Variants in GOLIM4 observed in about 807,000 individuals in gnomAD.
The protein encoded by GOLIM4 is golgi integral membrane protein 4.
In GOLIM4, 71 loss-of-function variants were observed where a neutral mutation model predicts 107.4. That is an observed-to-expected ratio of 0.66 (90% CI 0.55 to 0.81). GOLIM4 has a LOEUF of 0.81. GOLIM4 is among the 30% of genes least tolerant of loss of function. The pLI, the probability that GOLIM4 is intolerant of heterozygous loss-of-function variation, is 0.00. For missense variants in GOLIM4, 830 were observed against 826.1 expected (o/e 1.00, Z -0.06); for synonymous variants, 327 against 294.8 (o/e 1.11, Z -1.12).
At chr3:168,061,105 T>C (rs1720247726) in intron 1 of GOLIM4, among the ~76,000 whole-genome samples, 1 of 142,060 alleles carries the variant, frequency 7.0e-6, no homozygotes, top group South Asian at 2.2e-4. Context: ...TATTAAAGAG[T>C]TGATTTTTTT....
At position 168,011,799 on chromosome 3, in the gene GOLIM4, G is replaced by A. The variant is rs556036030; in HGVS notation, c.1861-976C>T. Among the ~76,000 whole-genome samples, 32 of 132,642 alleles carry A rather than the reference G, an allele frequency of 2.4e-4. 8 individuals carry two copies. The highest frequency in any genetic ancestry group is 8.0e-4 in the African/African-American group (20 of 25,014). The allele number at this position is 132,642 out of a possible 152,430, so 87.0% of individuals were successfully genotyped here. A position where few individuals can be genotyped will look rare whatever the true frequency, so the allele number is the denominator to read the frequency against. ...GCAGGAGCACACTGACACCTCACAA[G>A]GCAGGGTATTCCAACAGACCTGCAG... On this transcript the variant is annotated intron_variant, in intron 14 of 15. Transcript: ENST00000470487.
At chr3:168,017,009 A>C (rs1455471519) in intron 14 of GOLIM4, among the ~76,000 whole-genome samples, 1 of 151,336 alleles carries the variant, frequency 6.6e-6, no homozygotes, top group South Asian at 2.1e-4. Flanking sequence ...AACCTGCACA[A>C]TGTGCACATG....
At chr3:168,033,402 G>A (rs1355389802) in intron 8 of GOLIM4, among the ~76,000 whole-genome samples, 2 of 151,416 alleles carry the variant, frequency 1.3e-5, no homozygotes, top group Non-Finnish European at 2.9e-5. Flanking sequence ...TCAGGAGATC[G>A]AGACCATCCT....
intron 1 of GOLIM4, among the ~76,000 whole-genome samples, chr3:168,072,616 A>G (rs1201831301): frequency 6.6e-6 from 1 of 152,158 alleles, no homozygotes; most frequent in African/African-American, 2.4e-5. Flanking sequence ...ACTAAAAATA[A>G]AACCTCCCTA....
At chr3:168,030,510 CAAAAAA>C (rs11411251) in intron 9 of GOLIM4, among the ~76,000 whole-genome samples, 4 of 102,448 alleles carry the variant, frequency 3.9e-5, no homozygotes, top group Non-Finnish European at 3.9e-5. Context: ...TAAGCATAGC[CAAAAAA>C]AAAAAAAAAA....
rs536121229 is a variant in GOLIM4 at position 168,070,874 on chromosome 3, T to C, written c.188-22509A>G. ...TCAGAGGTGAGTTCCTCAACTTCTA[T>C]ACCTTTAATAATAAGTTCGCTCTTC... On this transcript the variant is annotated intron_variant, in intron 1 of 15. Transcript: ENST00000470487. 2.0e-5 allele frequency among the ~76,000 whole-genome samples: 3 copies of C among 152,372 alleles called. No individual in the cohort carries two copies. In the East Asian group the frequency reaches 5.8e-4, roughly 29 times the overall value.
intron 12 of GOLIM4, among the ~76,000 whole-genome samples, chr3:168,026,902 A>T (rs769082705): frequency 2.6e-5 from 4 of 152,246 alleles, no homozygotes; most frequent in Non-Finnish European, 5.9e-5. Flanking sequence ...TAGCAAGGAC[A>T]TGGGTCCTCC....
chr3:168,027,191 C>T (rs900064175), intron 12 of GOLIM4, among the ~76,000 whole-genome samples: 1 of 152,130 alleles, frequency 6.6e-6, no homozygotes, highest in African/African-American at 2.4e-5. Context: ...ATTTTCTGTA[C>T]CATTGCATAC....
At chr3:168,089,210 C>T (rs1721775523) in intron 1 of GOLIM4, among the ~76,000 whole-genome samples, 1 of 152,140 alleles carries the variant, frequency 6.6e-6, no homozygotes, top group South Asian at 2.1e-4. Context: ...CTAAATGGTA[C>T]AGGATCAAGC....
chr3:168,033,074 G>C (rs1267021407), intron 8 of GOLIM4, among the ~76,000 whole-genome samples: 4 of 152,102 alleles, frequency 2.6e-5, no homozygotes, highest in Non-Finnish European at 5.9e-5. Context: ...CATCTGTGAA[G>C]AATACAGTAA....
intron 1 of GOLIM4, among the ~76,000 whole-genome samples, chr3:168,084,991 A>T (rs1161554164): frequency 2.6e-5 from 4 of 152,138 alleles, no homozygotes. Flanking sequence ...GAACTGACTT[A>T]TCCAGTTAAG....
chr3:168,053,502 AC>A (rs1455305084), intron 1 of GOLIM4, among the ~76,000 whole-genome samples: 1 of 152,258 alleles, frequency 6.6e-6, no homozygotes, highest in Non-Finnish European at 1.5e-5. Flanking sequence ...TATATATAAA[AC>A]AAAAATTAAA....
chr3:168,030,096 C>A, intron 9 of GOLIM4, 60 bp from the exon 10 acceptor site: 2 of 1,538,904 alleles, frequency 1.3e-6, no homozygotes, highest in South Asian at 1.2e-5. Context: ...GTTTTCTCTT[C>A]ATTTGTTTCT....
intron 1 of GOLIM4, among the ~76,000 whole-genome samples, chr3:168,060,388 T>C (rs898263675): frequency 6.6e-6 from 1 of 152,178 alleles, no homozygotes; most frequent in African/African-American, 2.4e-5. Flanking sequence ...GTGGAGGCCA[T>C]ATAATATTCA....
At chr3:168,012,348 A>G (rs1285215510) in intron 14 of GOLIM4, among the ~76,000 whole-genome samples, 1 of 141,760 alleles carries the variant, frequency 7.1e-6, no homozygotes, top group Non-Finnish European at 1.5e-5. Flanking sequence ...AAAAAAGAAT[A>G]AAAAGAAATG....
At position 168,031,604 on chromosome 3, in the gene GOLIM4, G is replaced by C. The variant is rs116520602; in HGVS notation, c.1176+916C>G. On this transcript the variant is annotated intron_variant, in intron 9 of 15. Transcript: ENST00000470487. ...GAGGGTTGGGAAGTAAAGCTGGTGG[G>C]GAATTACTTCCCCTATTGGGGAAGG... is the stretch of plus-strand genomic sequence containing the variant. Among the ~76,000 whole-genome samples the C allele has an allele frequency of 9.7e-3, 1,483 of 152,254 alleles. 26 individuals are homozygous for C. The highest frequency in any genetic ancestry group is 0.034 in the African/African-American group (1,416 of 41,518).
rs370582062 is a variant in GOLIM4 at position 168,010,340 on chromosome 3, C to T, written c.2020G>A (p.Glu674Lys). ...NRPKGREEHY[E>K]EEEEEEEDGA... ...TCTTCTTCCTCCTCTTCTTCCTCCTCGTAGTGTTCCTCTCGGCCTTTGGGG... is the reference window on the plus strand; with the variant it reads ...TCTTCTTCCTCCTCTTCTTCCTCCTTGTAGTGTTCCTCTCGGCCTTTGGGG... The change falls in exon 16 of 16, where the codon GAG becomes AAG. Residue 674 changes from glutamate to lysine, a missense_variant. Glu to Lys is a moderately conservative substitution (Grantham distance 56, BLOSUM62 1). Coordinates refer to ENST00000470487, the MANE Select transcript of GOLIM4 (RefSeq NM_014498.5). The T allele has an allele frequency of 3.2e-4, 520 of 1,613,806 alleles. 8 individuals are homozygous for T. The South Asian group carries it at 5.5e-3, about 17-fold the overall frequency.
intron 9 of GOLIM4, among the ~76,000 whole-genome samples, chr3:168,030,260 G>T (rs368264296): frequency 1.3e-5 from 2 of 152,128 alleles, no homozygotes; most frequent in Admixed American, 6.5e-5. Context: ...CTGCTATTAA[G>T]GCAGATTTTC....
intron 1 of GOLIM4, among the ~76,000 whole-genome samples, chr3:168,094,310 G>C (rs941262224): frequency 6.6e-6 from 1 of 152,150 alleles, no homozygotes; most frequent in Non-Finnish European, 1.5e-5. Flanking sequence ...GCTCAAGTTG[G>C]GTTTGCTGTG....
Sources: gnomAD v4.1 joint callset for allele counts (sites outside exome capture counted in the v4.1 genomes callset) on GRCh38, gnomAD v4.1.1 for gene constraint, MANE v1.5 for transcripts, NCBI Gene and HGNC (gene_info 2026-07-23, HGNC 2026-07-21) for gene names.